Variants in RFX4 observed in about 807,000 individuals in gnomAD.
The protein encoded by RFX4 is transcription factor RFX4.
Under a neutral mutation model 95.0 loss-of-function variants are expected in RFX4, and 10 were observed. The observed-to-expected ratio is 0.11, with a 90% CI of 0.06 to 0.18. RFX4 has a LOEUF of 0.18. RFX4 is among the 10% of genes least tolerant of loss of function. The probability of loss-of-function intolerance (pLI) is 1.00; values close to 1 mark genes in which losing one functional copy is unlikely to be tolerated. For missense variants in RFX4, 640 were observed against 922.0 expected (o/e 0.69, Z 3.96); for synonymous variants, 321 against 340.7 (o/e 0.94, Z 0.64).
rs752004295 is a variant in RFX4 at position 106,750,769 on chromosome 12, C to T, written c.1911C>T (p.Ala637=). 3.1e-6 allele frequency: 5 copies of T among 1,605,044 alleles called. No individual in the cohort carries two copies. The highest frequency in any genetic ancestry group is 3.4e-6 in the Non-Finnish European group (4 of 1,176,976). ...DTAISGPLHY[A]PYHRSSAQYP... is the part of the protein sequence containing the mutation. ...CTATCTCTGGGCCACTCCACTATGCCCCTTACCACAGGAGCTCTGCACAGG... is the reference window on the plus strand; with the variant it reads ...CTATCTCTGGGCCACTCCACTATGCTCCTTACCACAGGAGCTCTGCACAGG... Residue 637 remains alanine (A), a synonymous_variant, in exon 17 of 18, where the codon GCC becomes GCT. Coordinates refer to ENST00000392842, the MANE Select transcript of RFX4 (RefSeq NM_213594.3).
At chr12:106,681,605 AAG>A (rs2041515864) in intron 4 of RFX4, among the ~76,000 whole-genome samples, 1 of 152,176 alleles carries the variant, frequency 6.6e-6, no homozygotes, top group African/African-American at 2.4e-5. Flanking sequence ...TGAGAATTAT[AAG>A]AGAGGAAGGC....
chr12:106,737,736 A>T (rs935550473), intron 15 of RFX4, among the ~76,000 whole-genome samples: 2 of 152,208 alleles, frequency 1.3e-5, no homozygotes, highest in African/African-American at 2.4e-5. Context: ...TCTTCAAAGT[A>T]TTGAAAAGCT....
chr12:106,734,378 T>C (rs1392154808), intron 15 of RFX4, among the ~76,000 whole-genome samples: 1 of 151,912 alleles, frequency 6.6e-6, no homozygotes, highest in African/African-American at 2.4e-5. Context: ...GGTGGATCAC[T>C]TGAGGTCAGG....
intron 1 of RFX4, among the ~76,000 whole-genome samples, chr12:106,589,630 C>G (rs1328965633): frequency 2.0e-5 from 3 of 152,182 alleles, no homozygotes; most frequent in African/African-American, 7.2e-5. Context: ...CACTCATGCC[C>G]TCTCCCCACC....
intron 15 of RFX4, among the ~76,000 whole-genome samples, chr12:106,743,648 T>A (rs944247389): frequency 6.6e-6 from 1 of 152,214 alleles, no homozygotes; most frequent in African/African-American, 2.4e-5. Context: ...TGGCACACCC[T>A]CTGTTGGGGA....
intron 13 of RFX4, among the ~76,000 whole-genome samples, chr12:106,726,329 C>A (rs1467287340): frequency 1.3e-5 from 2 of 152,004 alleles, no homozygotes; most frequent in African/African-American, 2.4e-5. Flanking sequence ...GACATCCTGG[C>A]CCAGCCTAGG....
intron 2 of RFX4, among the ~76,000 whole-genome samples, chr12:106,635,466 C>A (rs1386355630): frequency 1.3e-5 from 2 of 151,954 alleles, no homozygotes; most frequent in Non-Finnish European, 2.9e-5. Context: ...GTGTGCGCCA[C>A]GATGCCCAGC....
At chr12:106,689,511 T>C in intron 7 of RFX4, 147 bp downstream of exon 7, 1 of 679,576 alleles carries the variant, frequency 1.5e-6, no homozygotes, top group Non-Finnish European at 2.6e-6. Context: ...CCTCATGAGA[T>C]CCCATGAAGC....
At chr12:106,688,372 A>G (rs986989172) in intron 6 of RFX4, among the ~76,000 whole-genome samples, 2 of 152,074 alleles carry the variant, frequency 1.3e-5, no homozygotes, top group Non-Finnish European at 2.9e-5. Context: ...CCAGTCGAGT[A>G]TCACATCTTT....
chr12:106,602,268 G>A (rs1232028962), intron 1 of RFX4, among the ~76,000 whole-genome samples: 1 of 152,228 alleles, frequency 6.6e-6, no homozygotes, highest in Admixed American at 6.5e-5. Flanking sequence ...ATAAATGCCA[G>A]ACATCACCAT....
In RFX4 at chr12:106,761,211, C is replaced by A. The variant is rs2043202818; in HGVS notation, c.1950C>A (p.Ser650Arg). ...HRSSAQYPFN[S>R]PTSRMEPCLM... is the part of the protein sequence containing the mutation. ...CCCTCAACAAGTACCCTTTTAATAG[C>A]CCCACTTCCCGGATGGAACCTTGTT... The change falls in exon 18 of 18, where the codon AGC becomes AGA. Residue 650 changes from serine (S) to arginine (R), a missense_variant. Physicochemically the swap from Ser to Arg is moderately radical, Grantham distance 110 (BLOSUM62 -1). This residue lies in a region of RFX4 where 300 missense variants were observed against 346.8 expected (regional missense o/e 0.87). Coordinates refer to ENST00000392842, the MANE Select transcript of RFX4 (RefSeq NM_213594.3). The A allele has an allele frequency of 2.5e-6, 4 of 1,612,238 alleles. No homozygotes were observed. Among genetic ancestry groups the A allele is most frequent in the Non-Finnish European group, 3.4e-6 (4 of 1,178,624 alleles).
chr12:106,605,175 A>G (rs2039801861), intron 1 of RFX4, among the ~76,000 whole-genome samples: 1 of 152,218 alleles, frequency 6.6e-6, no homozygotes, highest in African/African-American at 2.4e-5. Flanking sequence ...ATTATTATGA[A>G]ATCACATCAT....
intron 4 of RFX4, among the ~76,000 whole-genome samples, chr12:106,656,437 G>A (rs1290767893): frequency 6.6e-6 from 1 of 152,158 alleles, no homozygotes; most frequent in Non-Finnish European, 1.5e-5. Flanking sequence ...TACCCACTTT[G>A]CTTTTCACAA....
chr12:106,593,180 C>T (rs2039571944), intron 1 of RFX4, among the ~76,000 whole-genome samples: 1 of 152,080 alleles, frequency 6.6e-6, no homozygotes, highest in Non-Finnish European at 1.5e-5. Context: ...AAAATGGACA[C>T]GTTGGATTTG....
At chr12:106,729,264 A>G (rs1236573242) in intron 13 of RFX4, among the ~76,000 whole-genome samples, 1 of 152,140 alleles carries the variant, frequency 6.6e-6, no homozygotes, top group Non-Finnish European at 1.5e-5. Flanking sequence ...ACATCCCAGC[A>G]AGTAATTTCT....
chr12:106,686,803 A>C (rs1049549572), intron 5 of RFX4, 81 bp from the exon 6 acceptor site: 120 of 1,364,840 alleles, frequency 8.8e-5, no homozygotes, highest in Non-Finnish European at 1.2e-4. Flanking sequence ...CCTACTCAGG[A>C]AACCTCACTT....
intron 8 of RFX4, among the ~76,000 whole-genome samples, chr12:106,701,972 AG>A (rs1162765398): frequency 6.6e-6 from 1 of 152,158 alleles, no homozygotes; most frequent in Admixed American, 6.5e-5. Context: ...ATCATGATCC[AG>A]GCCGGATGAC....
chr12:106,683,725 C>T (rs756427941), intron 5 of RFX4: 4 of 152,072 alleles, frequency 2.6e-5, no homozygotes, highest in African/African-American at 4.8e-5. Flanking sequence ...TCAGTGGCTC[C>T]GATAGCTTGT....
Position 106,733,040 on chromosome 12 carries a change from C to T in RFX4, c.1588C>T (p.Pro530Ser), listed in dbSNP as rs1038281267. ...TGTGGAAGTGCCACCTCCCTCTTCCCCTGTTAGCAATCCTTCCCCTGAGTA... is the reference window on the plus strand; with the variant it reads ...TGTGGAAGTGCCACCTCCCTCTTCCTCTGTTAGCAATCCTTCCCCTGAGTA... ...TSVEVPPPSS[P>S]VSNPSPEYTG... Residue 530 changes from proline to serine, a missense_variant, in exon 15 of 18, where the codon CCT (proline) becomes TCT (serine). Physicochemically the swap from Pro to Ser is moderately conservative, Grantham distance 74. Transcript: ENST00000392842. 6.2e-7 allele frequency: 1 copy of T among 1,614,152 alleles called. No homozygotes were observed. The highest frequency in any genetic ancestry group is 1.3e-5 in the African/African-American group (1 of 75,022).
Sources: allele counts gnomAD v4.1 joint callset (sites outside exome capture counted in the v4.1 genomes callset), GRCh38; gene constraint gnomAD v4.1.1; regional missense constraint gnomAD v4.1.1; transcripts MANE v1.5; gene names NCBI Gene and HGNC (gene_info 2026-07-23, HGNC 2026-07-21).